CTNND1: variants seen among roughly 807,000 people sequenced by gnomAD.
CTNND1 encodes the protein catenin delta-1.
Under a neutral mutation model 112.1 loss-of-function variants are expected in CTNND1, and 16 were observed. That is an observed-to-expected ratio of 0.14 (90% CI 0.10 to 0.22). The LOEUF (loss-of-function observed/expected upper bound fraction) is 0.22. Ranked by LOEUF, CTNND1 falls within the 10% of genes least tolerant of loss-of-function variation. CTNND1 has a pLI of 1.00. For missense variants in CTNND1, 1,008 were observed against 1,257.0 expected (o/e 0.80, Z 3.00); for synonymous variants, 420 against 446.5 (o/e 0.94, Z 0.75).
intron 17 of CTNND1, among the ~76,000 whole-genome samples, chr11:57,811,956 G>T (rs980062371): frequency 1.3e-5 from 2 of 152,084 alleles, no homozygotes; most frequent in Non-Finnish European, 1.5e-5. Context: ...ATTTTGTTTT[G>T]TAAATTTTTT....
intron 17 of CTNND1, among the ~76,000 whole-genome samples, chr11:57,812,613 G>A (rs1395563505): frequency 1.3e-5 from 2 of 152,280 alleles, no homozygotes; most frequent in Admixed American, 6.5e-5. Context: ...ATTAAAGCAT[G>A]ATGGTTGTCT....
At chr11:57,796,397 A>G in intron 5 of CTNND1, 60 bp from the exon 6 acceptor site, 1 of 1,475,794 alleles carries the variant, frequency 6.8e-7, no homozygotes, top group Non-Finnish European at 9.0e-7. Context: ...AAAAAAAAAA[A>G]AAGAATTTAA....
Position 57,803,775 on chromosome 11 carries a change from G to T in CTNND1, c.1575G>T (p.Ser525=), listed in dbSNP as rs373143838. Residue 525 remains serine, a synonymous_variant, in exon 8 of 21, where the codon TCG becomes TCT. Transcript: ENST00000399050. Reference sequence around the variant, plus strand: ...AGCCACGCCACATTGAGTGGGAATCGGTGCTCACCAACACAGCTGGCTGCC... The same window carrying T: ...AGCCACGCCACATTGAGTGGGAATCTGTGCTCACCAACACAGCTGGCTGCC... The part of the protein sequence containing the change: ...DCKPRHIEWE[S]VLTNTAGCLR... 3.7e-6 allele frequency: 6 copies of T among 1,610,774 alleles called. No homozygotes were observed. Among genetic ancestry groups the T allele is most frequent in the South Asian group, 3.3e-5 (3 of 90,510 alleles).
intron 6 of CTNND1, among the ~76,000 whole-genome samples, chr11:57,800,122 T>A (rs529565720): frequency 6.6e-6 from 1 of 152,026 alleles, no homozygotes; most frequent in South Asian, 2.1e-4. Context: ...ATACTTTTCC[T>A]TAATTTTATA....
rs2060334168 is a variant in CTNND1, at chr11:57,788,247, A to G, written c.-213-790A>G. On this transcript the variant is annotated intron_variant, in intron 1 of 20. Coordinates refer to ENST00000399050, the MANE Select transcript of CTNND1 (RefSeq NM_001085458.2). The surrounding 1 kb of genome is among the most constrained non-coding windows in gnomAD (Gnocchi z 4.1). ...TTTTTAAAATAAGGGTGCTTATTCAAGAAAGACCTTTGAGTGGCCTGTTGG... is the reference window on the plus strand; with the variant it reads ...TTTTTAAAATAAGGGTGCTTATTCAGGAAAGACCTTTGAGTGGCCTGTTGG... Among the ~76,000 whole-genome samples the G allele has an allele frequency of 6.6e-6, 1 of 152,172 alleles. No individual in the cohort carries two copies.
In CTNND1 at chr11:57,807,900, G is replaced by C. The variant is rs555973259; in HGVS notation, c.1964-265G>C. Reference sequence around the variant, plus strand: ...ATGGTAGAACCAAAGGCAAAGCTATGGGAGAGGAGGCAAGAAGGAAGGAAA... The same window carrying C: ...ATGGTAGAACCAAAGGCAAAGCTATCGGAGAGGAGGCAAGAAGGAAGGAAA... On this transcript the variant is annotated intron_variant, in intron 12 of 20. Transcript: ENST00000399050. Among the ~76,000 whole-genome samples, 7 of 152,240 alleles carry C rather than the reference G, an allele frequency of 4.6e-5. No individual in the cohort carries two copies. In the South Asian group the frequency reaches 1.5e-3, roughly 32 times the overall value.
chr11:57,773,488 G>T (rs1047457669), intron 1 of CTNND1, among the ~76,000 whole-genome samples: 1 of 147,368 alleles, frequency 6.8e-6, no homozygotes, highest in Non-Finnish European at 1.5e-5. Context: ...TTAAGCTCTT[G>T]TTGCCCAGGC....
Position 57,816,322 on chromosome 11 carries a change from G to A in CTNND1, c.*14G>A, listed in dbSNP as rs779575280. 73 of 1,613,072 alleles carry A rather than the reference G, an allele frequency of 4.5e-5. No individual in the cohort carries two copies. The Admixed American group carries it at 5.7e-4, about 13-fold the overall frequency. ...CAGAAGATTTAGCACCACTATCTCC[G>A]TTCCATCTGGGCTTATATGTACTTT... On this transcript the variant is annotated 3_prime_UTR_variant, in exon 21 of 21. Transcript: ENST00000399050.
chr11:57,784,741 A>G (rs1458752463), intron 1 of CTNND1, among the ~76,000 whole-genome samples: 1 of 152,176 alleles, frequency 6.6e-6, no homozygotes, highest in East Asian at 1.9e-4. Context: ...CCTGAACTCA[A>G]GTGATCCTCC....
chr11:57,811,599 G>C (rs1405284400), intron 17 of CTNND1, 113 bp downstream of exon 17: 10 of 710,046 alleles, frequency 1.4e-5, no homozygotes, highest in Non-Finnish European at 2.3e-5. Context: ...TTTGTGGGAG[G>C]GGAATAATTT....
intron 1 of CTNND1, among the ~76,000 whole-genome samples, chr11:57,773,374 C>A (rs1480093529): frequency 6.6e-6 from 1 of 151,836 alleles, no homozygotes; most frequent in Non-Finnish European, 1.5e-5. Context: ...CTCAAGTGAT[C>A]CTCCTCCTTT....
chr11:57,811,470 C>G lies in CTNND1; in HGVS notation c.2622C>G (p.Asp874Glu). ...ATGATAGTACTCTCCCTCTCATTGA[C>G]CGGAACCAAAAATCAGGTGCAGTAT... ...SYDDSTLPLI[D>E]RNQKSDKKPD... The change falls in exon 17 of 21, where the codon GAC (aspartate) becomes GAG (glutamate). Residue 874 changes from aspartate (D) to glutamate (E), a missense_variant. Physicochemically the swap from Asp to Glu is conservative, Grantham distance 45. Transcript: ENST00000399050. 6.2e-7 allele frequency: 1 copy of G among 1,612,868 alleles called. No homozygotes were observed. Among genetic ancestry groups the G allele is most frequent in the South Asian group, 1.1e-5 (1 of 90,928 alleles).
At chr11:57,786,862 C>T (rs967343189) in intron 1 of CTNND1, among the ~76,000 whole-genome samples, 1 of 151,992 alleles carries the variant, frequency 6.6e-6, no homozygotes, top group African/African-American at 2.4e-5. Context: ...CCCTGTTTTC[C>T]TGTGATAGTT....
chr11:57,779,341 A>G (rs1179037365), intron 1 of CTNND1, among the ~76,000 whole-genome samples: 1 of 152,176 alleles, frequency 6.6e-6, no homozygotes, highest in East Asian at 1.9e-4. Flanking sequence ...CTATGTCTAG[A>G]CTGAAATAGC....
Position 57,761,955 on chromosome 11 carries a change from C to A in CTNND1, c.-378C>A. On this transcript the variant is annotated 5_prime_UTR_variant, in exon 1 of 21. Coordinates refer to ENST00000399050, the MANE Select transcript of CTNND1 (RefSeq NM_001085458.2). ...AAAGGAGGAAGAGGTGGCGAAAAAT[C>A]AACTGCCCTGCTGGATTTGTCTTTC... 2.0e-6 allele frequency: 2 copies of A among 985,436 alleles called. No homozygotes were observed. Among genetic ancestry groups the A allele is most frequent in the Non-Finnish European group, 2.4e-6 (2 of 829,950 alleles). The allele number at this position is 985,436 out of a possible 1,614,324, so 61.0% of individuals were successfully genotyped here.
At position 57,815,979 on chromosome 11, in the gene CTNND1, G is replaced by A. The variant is rs771918798; in HGVS notation, c.2873G>A (p.Gly958Asp). Residue 958 changes from glycine (G) to aspartate (D), a missense_variant, in exon 20 of 21, where the codon GGC becomes GAC. Physicochemically the swap from Gly to Asp is moderately conservative, Grantham distance 94. Around this residue, in one of 5 missense-constraint regions of CTNND1, gnomAD observed 106 missense variants for 116.2 expected, o/e 0.91. Coordinates refer to ENST00000399050, the MANE Select transcript of CTNND1 (RefSeq NM_001085458.2). ...GTGTTGGTTTTGGATGATGAGGGGG[G>A]CCAAGTGTCTTACCCCTCCATGGTA... ...LDVLVLDDEG[G>D]QVSYPSMQKI 17 of 1,594,368 alleles carry A rather than the reference G, an allele frequency of 1.1e-5. No individual in the cohort carries two copies. The highest frequency in any genetic ancestry group is 1.4e-5 in the Non-Finnish European group (16 of 1,174,548).
At position 57,788,948 on chromosome 11, in the gene CTNND1, T is replaced by G. The variant is rs1191202550; in HGVS notation, c.-213-89T>G. The G allele has an allele frequency of 2.2e-6, 2 of 919,408 alleles. No homozygotes were observed. The highest frequency in any genetic ancestry group is 3.4e-6 in the Non-Finnish European group (2 of 587,270). The allele number at this position is 919,408 out of a possible 1,614,324, so 57.0% of individuals were successfully genotyped here. A position where few individuals can be genotyped will look rare whatever the true frequency, so the allele number is the denominator to read the frequency against. On this transcript the variant is annotated intron_variant, in intron 1 of 20. Coordinates refer to ENST00000399050, the MANE Select transcript of CTNND1 (RefSeq NM_001085458.2). The surrounding 1 kb of genome is among the most constrained non-coding windows in gnomAD (Gnocchi z 4.1). The stretch of plus-strand genomic sequence containing the variant: ...ATTTTAAATTACTTCCTTTCATTCC[T>G]AATATTGCCCCTTGCTCTTCTTGTT...
At chr11:57,799,985 T>TG (rs1565347405) in intron 6 of CTNND1, among the ~76,000 whole-genome samples, 1 of 141,588 alleles carries the variant, frequency 7.1e-6, no homozygotes, top group Non-Finnish European at 1.5e-5. Flanking sequence ...CCGTGTTTTT[T>TG]TTTTTTTTTT....
rs1180390700 is a variant in CTNND1, at chr11:57,788,707, G to GT, written c.-213-323dup. Reference sequence around the variant, plus strand: ...GAGGGGGAAGGGCATTCCAACAGCAGTTTTTTTCTTTTTCCCCAATTTGGT... The same window carrying GT: ...GAGGGGGAAGGGCATTCCAACAGCAGTTTTTTTTCTTTTTCCCCAATTTGGT... On this transcript the variant is annotated intron_variant, in intron 1 of 20. Transcript: ENST00000399050. This position sits in a 1 kb window ranked among gnomAD's most constrained non-coding sequence, Gnocchi z 4.1. Among the ~76,000 whole-genome samples the GT allele has an allele frequency of 1.3e-5, 2 of 152,088 alleles. No homozygotes were observed. Among genetic ancestry groups the GT allele is most frequent in the Non-Finnish European group, 2.9e-5 (2 of 68,008 alleles).
Sources: allele counts gnomAD v4.1 joint callset (sites outside exome capture counted in the v4.1 genomes callset), GRCh38; gene constraint gnomAD v4.1.1; regional missense constraint gnomAD v4.1.1; non-coding constraint Gnocchi (gnomAD v3.1); transcripts MANE v1.5; gene names NCBI Gene and HGNC (gene_info 2026-07-23, HGNC 2026-07-21).